Variants in SNTB1 observed in about 807,000 individuals in gnomAD.
SNTB1 encodes syntrophin beta 1, also known as beta-1-syntrophin.
SNTB1 carries 36 observed loss-of-function variants against 48.9 expected under a neutral mutation model. That is an observed-to-expected ratio of 0.74 (90% CI 0.56 to 0.97). SNTB1 has a LOEUF of 0.97. SNTB1 is among the 50% of genes least tolerant of loss of function. The pLI is 0.00. For missense variants in SNTB1, 786 were observed against 703.4 expected (o/e 1.12, Z -1.33); for synonymous variants, 299 against 294.6 (o/e 1.01, Z -0.15).
chr8:120,550,623 A>G (rs562333987), intron 4 of SNTB1, among the ~76,000 whole-genome samples: 1 of 152,158 alleles, frequency 6.6e-6, no homozygotes, highest in East Asian at 1.9e-4. Context: ...TGTGAAGGGA[A>G]ATGACTGCTG....
At chr8:120,775,707 C>CAAGG (rs371412589) in intron 1 of SNTB1, among the ~76,000 whole-genome samples, 5,716 of 114,394 alleles carry the variant, frequency 0.05, 201 homozygotes, top group African/African-American at 0.084. Flanking sequence ...GGGAAGGAGA[C>CAAGG]AAGGAAGGAA....
At position 120,811,720 on chromosome 8, in the gene SNTB1, T is replaced by C. The variant is rs2130203151; in HGVS notation, c.124A>G (p.Ser42Gly). The change falls in exon 1 of 7, where the codon AGC (serine) becomes GGC (glycine). Residue 42 changes from serine to glycine, a missense_variant. Ser to Gly is a moderately conservative substitution (Grantham distance 56). Transcript: ENST00000517992. Reference protein sequence around the residue: ...DRWHKVLVNLSEDALVLSSEE... With the variant: ...DRWHKVLVNLGEDALVLSSEE... Reference sequence around the variant, plus strand: ...CTGCTCAGAACCAGGGCGTCCTCGCTCAAGTTCACCAGAACTTTGTGCCAG... The same window carrying C: ...CTGCTCAGAACCAGGGCGTCCTCGCCCAAGTTCACCAGAACTTTGTGCCAG... 2 of 1,574,546 alleles carry C rather than the reference T, an allele frequency of 1.3e-6. No homozygotes were observed. Among genetic ancestry groups the C allele is most frequent in the South Asian group, 1.2e-5 (1 of 86,810 alleles).
intron 3 of SNTB1, among the ~76,000 whole-genome samples, chr8:120,628,833 A>T (rs1009075250): frequency 2.6e-5 from 4 of 152,108 alleles, no homozygotes; most frequent in African/African-American, 9.7e-5. Context: ...ACCCATCTAC[A>T]GGTGACAGTG....
intron 2 of SNTB1, among the ~76,000 whole-genome samples, chr8:120,635,006 C>T (rs757840954): frequency 6.6e-6 from 1 of 152,088 alleles, no homozygotes; most frequent in Non-Finnish European, 1.5e-5. Flanking sequence ...CACCCGCCAC[C>T]GCACCCAGCT....
At chr8:120,806,286 G>A (rs1292653574) in intron 1 of SNTB1, among the ~76,000 whole-genome samples, 1 of 152,186 alleles carries the variant, frequency 6.6e-6, no homozygotes, top group African/African-American at 2.4e-5. Flanking sequence ...TGGAACACCT[G>A]GGGTAGTCCT....
intron 2 of SNTB1, among the ~76,000 whole-genome samples, chr8:120,691,989 GA>G (rs1350074340): frequency 6.6e-6 from 1 of 152,218 alleles, no homozygotes; most frequent in African/African-American, 2.4e-5. Flanking sequence ...GAACTCTGCA[GA>G]AATTGTGGGG....
intron 4 of SNTB1, among the ~76,000 whole-genome samples, chr8:120,559,763 A>G (rs1042813471): frequency 6.6e-6 from 1 of 152,236 alleles, no homozygotes; most frequent in Non-Finnish European, 1.5e-5. Context: ...TCCATACAAA[A>G]GCATTATTAT....
Position 120,545,474 on chromosome 8 carries a change from C to T in SNTB1, c.1333+3288G>A, listed in dbSNP as rs184762062. ...CTTGTTAAATGCAAATTCTCAGGCC[C>T]CACCCTAGAACTGCTGACTATGAAT... On this transcript the variant is annotated intron_variant, in intron 5 of 6. Coordinates refer to ENST00000517992, the MANE Select transcript of SNTB1 (RefSeq NM_021021.4). Among the ~76,000 whole-genome samples the T allele has an allele frequency of 2.5e-3, 374 of 152,274 alleles. 3 individuals are homozygous for T. Among genetic ancestry groups the T allele is most frequent in the African/African-American group, 7.4e-3 (307 of 41,556 alleles).
intron 4 of SNTB1, among the ~76,000 whole-genome samples, chr8:120,557,432 C>A (rs1254913769): frequency 1.3e-5 from 2 of 152,174 alleles, no homozygotes; most frequent in Admixed American, 1.3e-4. Flanking sequence ...CCTAAGCTGG[C>A]AGCCAACAGA....
chr8:120,631,857 C>T (rs1333214266), intron 3 of SNTB1, among the ~76,000 whole-genome samples: 2 of 152,174 alleles, frequency 1.3e-5, no homozygotes, highest in African/African-American at 4.8e-5. Context: ...CTCCCTTCCC[C>T]ACTCCTGCCT....
chr8:120,621,527 A>C lies in SNTB1; in HGVS notation c.996+10917T>G, dbSNP rs573355970. ...GAACAGTACAGCCACATGTTTTGTG[A>C]GCCAAAATAAAGTAGTAGGTTGGTG... On this transcript the variant is annotated intron_variant, in intron 3 of 6. Transcript: ENST00000517992. 9.3e-4 allele frequency among the ~76,000 whole-genome samples: 141 copies of C among 152,340 alleles called. 1 individual carries two copies. Among genetic ancestry groups the C allele is most frequent in the African/African-American group, 3.3e-3 (136 of 41,584 alleles).
At chr8:120,651,138 G>T (rs981465075) in intron 2 of SNTB1, among the ~76,000 whole-genome samples, 1 of 152,154 alleles carries the variant, frequency 6.6e-6, no homozygotes, top group Non-Finnish European at 1.5e-5. Flanking sequence ...CAATAAAATT[G>T]TATTGTATTG....
At chr8:120,564,040 G>A (rs10098051) in intron 4 of SNTB1, among the ~76,000 whole-genome samples, 74,325 of 151,516 alleles carry the variant, frequency 0.49, 19,720 homozygotes, top group Non-Finnish European at 0.62. Context: ...CCTGGGAGGC[G>A]GAGGTTGCAG....
At position 120,749,037 on chromosome 8, in the gene SNTB1, A is replaced by C. The variant is rs1819170131; in HGVS notation, c.572-55129T>G. Among the ~76,000 whole-genome samples, 4 of 152,262 alleles carry C rather than the reference A, an allele frequency of 2.6e-5. No homozygotes were observed. In the South Asian group the frequency reaches 8.3e-4, roughly 32 times the overall value. On this transcript the variant is annotated intron_variant, in intron 1 of 6. Transcript: ENST00000517992. ...AATAAGAACATAATACAAGTGAATC[A>C]GTAATCATATAAATCTAAATTATAA...
At chr8:120,606,194 CAT>C (rs1270960811) in intron 3 of SNTB1, among the ~76,000 whole-genome samples, 1 of 139,828 alleles carries the variant, frequency 7.2e-6, no homozygotes, top group Admixed American at 7.3e-5. Context: ...TTATATATAT[CAT>C]ATGTTATATG....
chr8:120,564,319 T>A (rs961035980), intron 4 of SNTB1, among the ~76,000 whole-genome samples: 1 of 151,976 alleles, frequency 6.6e-6, no homozygotes, highest in Admixed American at 6.6e-5. Context: ...GCTTGCATTC[T>A]CCCTCCATGC....
chr8:120,579,746 GA>G, intron 3 of SNTB1, among the ~76,000 whole-genome samples: 1 of 152,260 alleles, frequency 6.6e-6, no homozygotes, highest in East Asian at 1.9e-4. Context: ...TTTCCAAAGG[GA>G]CAGTTTTACC....
chr8:120,733,218 C>T (rs1008803282), intron 1 of SNTB1, among the ~76,000 whole-genome samples: 1 of 152,196 alleles, frequency 6.6e-6, no homozygotes, highest in Non-Finnish European at 1.5e-5. Context: ...CTGTTTCTTT[C>T]CTCCTCCTAG....
At chr8:120,662,457 A>G (rs1185777456) in intron 2 of SNTB1, among the ~76,000 whole-genome samples, 1 of 152,210 alleles carries the variant, frequency 6.6e-6, no homozygotes. Context: ...TTTTTAAGAT[A>G]ATGTGTATTA....
Sources: gnomAD v4.1 joint callset for allele counts (sites outside exome capture counted in the v4.1 genomes callset) on GRCh38, gnomAD v4.1.1 for gene constraint, MANE v1.5 for transcripts, NCBI Gene and HGNC (gene_info 2026-07-23, HGNC 2026-07-21) for gene names.